KMO: variants seen among roughly 807,000 people sequenced by gnomAD.
The protein encoded by KMO is kynurenine 3-hydroxylase.
KMO carries 24 observed loss-of-function variants against 57.8 expected under a neutral mutation model. The observed-to-expected ratio is 0.42, with a 90% CI of 0.30 to 0.58. KMO has a LOEUF of 0.58. Among genes scored for constraint, KMO ranks in the 20% least tolerant of loss-of-function variants. The pLI, the probability that KMO is intolerant of heterozygous loss-of-function variation, is 0.22. For synonymous variants in KMO, 210 were observed against 193.6 expected (o/e 1.08, Z -0.70); for missense variants, 483 against 588.2 (o/e 0.82, Z 1.85).
intron 1 of KMO, among the ~76,000 whole-genome samples, chr1:241,539,478 G>T (rs1455002697): frequency 6.6e-6 from 1 of 152,132 alleles, no homozygotes; most frequent in African/African-American, 2.4e-5. Context: ...TTCAGCCAAT[G>T]AGAAATTAAA....
intron 10 of KMO, among the ~76,000 whole-genome samples, chr1:241,584,340 C>A (rs1385019514): frequency 6.6e-6 from 1 of 152,182 alleles, no homozygotes; most frequent in Non-Finnish European, 1.5e-5. Context: ...GTTAAAAAGT[C>A]AGGAAACAAC....
chr1:241,581,091 T>C (rs1456472184), intron 10 of KMO, among the ~76,000 whole-genome samples: 1 of 152,166 alleles, frequency 6.6e-6, no homozygotes, highest in Non-Finnish European at 1.5e-5. Context: ...CTCATTTGTT[T>C]GTCTTTAGAG....
intron 6 of KMO, chr1:241,561,924 T>A: frequency 2.3e-6 from 1 of 428,032 alleles, no homozygotes; most frequent in Admixed American, 3.9e-5. Flanking sequence ...CTGTCACACT[T>A]CTGTGGCCTA....
chr1:241,566,459 C>T lies in KMO; in HGVS notation c.688-32C>T, dbSNP rs748122229. The T allele has an allele frequency of 2.6e-5, 42 of 1,594,502 alleles. 1 individual carries two copies. In the South Asian group the frequency reaches 4.7e-4, roughly 18 times the overall value. ...AGTGCCAGCGTCACTTGGCCCCCATCCCCTTTCACTCTGTTTCTCTTCTTC... is the reference window on the plus strand; with the variant it reads ...AGTGCCAGCGTCACTTGGCCCCCATTCCCTTTCACTCTGTTTCTCTTCTTC... On this transcript the variant is annotated intron_variant, in intron 8 of 14. Coordinates refer to ENST00000366559, the MANE Select transcript of KMO (RefSeq NM_003679.5).
At chr1:241,578,514 A>G (rs1302431478) in intron 10 of KMO, among the ~76,000 whole-genome samples, 2 of 152,144 alleles carry the variant, frequency 1.3e-5, no homozygotes, top group East Asian at 3.8e-4. Context: ...ACTTGAGGCC[A>G]CTGTGGGGAA....
intron 10 of KMO, among the ~76,000 whole-genome samples, chr1:241,575,387 T>C (rs1263072726): frequency 1.3e-5 from 2 of 152,140 alleles, no homozygotes; most frequent in African/African-American, 2.4e-5. Flanking sequence ...TTTGAACTTT[T>C]TGATGTAGGC....
Position 241,590,189 on chromosome 1 carries a change from T to A in KMO, c.1201-15T>A. 6.2e-7 allele frequency: 1 copy of A among 1,612,544 alleles called. No homozygotes were observed. The highest frequency in any genetic ancestry group is 8.5e-7 in the Non-Finnish European group (1 of 1,179,120). ...TTAAAGAATACACAAGAATACTTTT[T>A]AAACTTCCCTGCAGGTCACTTTTTC... On this transcript the variant is annotated splice_polypyrimidine_tract_variant and intron_variant, in intron 13 of 14. Transcript: ENST00000366559.
In KMO at chr1:241,595,186, G is replaced by A. The variant is rs1316819158; in HGVS notation, c.*3033G>A. 1.3e-5 allele frequency: 2 copies of A among 152,938 alleles called. No individual in the cohort carries two copies. The highest frequency in any genetic ancestry group is 2.9e-5 in the Non-Finnish European group (2 of 68,732). The allele number at this position is 152,938 out of a possible 1,614,324, so 9.5% of individuals were successfully genotyped here. ...TTTCTATCGAAATTACTAATCAGTT[G>A]GGGAAAAAAATACTATAGCAGACAG... On this transcript the variant is annotated 3_prime_UTR_variant, in exon 15 of 15. Transcript: ENST00000366559.
Position 241,595,167 on chromosome 1 carries a change from T to C in KMO, c.*3014T>C, listed in dbSNP as rs1320371935. 1 of 153,288 alleles carries C rather than the reference T, an allele frequency of 6.5e-6. No homozygotes were observed. Among genetic ancestry groups the C allele is most frequent in the Non-Finnish European group, 1.5e-5 (1 of 68,892 alleles). The allele number at this position is 153,288 out of a possible 1,614,324, so 9.5% of individuals were successfully genotyped here. On this transcript the variant is annotated 3_prime_UTR_variant, in exon 15 of 15. Coordinates refer to ENST00000366559, the MANE Select transcript of KMO (RefSeq NM_003679.5). ...TTAGGTGAAGAATTTTTTTTTTCTA[T>C]CGAAATTACTAATCAGTTGGGGAAA... is the stretch of plus-strand genomic sequence containing the variant.
At chr1:241,566,706 GATGGATC>G in intron 9 of KMO, 94 bp downstream of exon 9, 1 of 1,312,570 alleles carries the variant, frequency 7.6e-7, no homozygotes, top group East Asian at 2.3e-5. Context: ...GGTTAAACAC[GATGGATC>G]ATGCAGTAAC....
intron 9 of KMO, 143 bp downstream of exon 9, chr1:241,566,755 T>G: frequency 2.4e-6 from 2 of 827,380 alleles, no homozygotes; most frequent in Non-Finnish European, 3.9e-6. Context: ...AGCAAAAGTC[T>G]AAGTGGATAT....
In KMO at chr1:241,566,569, T is replaced by G; in HGVS notation, c.766T>G (p.Phe256Val). Residue 256 changes from phenylalanine (F) to valine (V), a missense_variant, in exon 9 of 15, where the codon TTC becomes GTC. Phe to Val is a conservative substitution (Grantham distance 50). Coordinates refer to ENST00000366559, the MANE Select transcript of KMO (RefSeq NM_003679.5). ...KLLTSNDVVD[F>V]FQKYFPDAIP... ...TCTAACCAGTAATGATGTGGTAGAT[T>G]TCTTCCAGAAATACTTTCCGGATGC... 1 of 1,613,784 alleles carries G rather than the reference T, an allele frequency of 6.2e-7. No individual in the cohort carries two copies. Among genetic ancestry groups the G allele is most frequent in the Non-Finnish European group, 8.5e-7 (1 of 1,179,690 alleles).
intron 8 of KMO, among the ~76,000 whole-genome samples, chr1:241,565,452 G>A (rs1016189744): frequency 5.3e-5 from 8 of 151,840 alleles, no homozygotes; most frequent in South Asian, 2.1e-4. Context: ...TGGGCGCAGC[G>A]GCTCACACCT....
At chr1:241,579,935 G>A (rs903688930) in intron 10 of KMO, among the ~76,000 whole-genome samples, 16 of 152,144 alleles carry the variant, frequency 1.1e-4, no homozygotes, top group South Asian at 4.1e-4. Flanking sequence ...GTTTGTACTG[G>A]AGACCGGGAA....
intron 10 of KMO, among the ~76,000 whole-genome samples, chr1:241,574,085 A>G (rs372183616): frequency 2.6e-5 from 4 of 152,248 alleles, no homozygotes; most frequent in Admixed American, 6.5e-5. Flanking sequence ...TTGTCAGTGT[A>G]TAGCAACGCT....
At chr1:241,548,732 T>C in intron 1 of KMO, 97 bp from the exon 2 acceptor site, 1 of 677,868 alleles carries the variant, frequency 1.5e-6, no homozygotes, top group Non-Finnish European at 2.6e-6. Context: ...AATGTGAGGC[T>C]AGTAAAACAT....
intron 5 of KMO, among the ~76,000 whole-genome samples, chr1:241,557,625 G>A (rs1661687000): frequency 6.6e-6 from 1 of 152,090 alleles, no homozygotes; most frequent in African/African-American, 2.4e-5. Context: ...TAGATGGGTG[G>A]AGTGGAGCCA....
intron 7 of KMO, among the ~76,000 whole-genome samples, chr1:241,564,690 A>G (rs67584220): frequency 0.28 from 42,590 of 150,146 alleles, 6,410 homozygotes; most frequent in East Asian, 0.4. Flanking sequence ...GCTATGATTC[A>G]AGATTTGAGA....
intron 5 of KMO, among the ~76,000 whole-genome samples, chr1:241,559,837 A>G (rs995918645): frequency 3.3e-5 from 5 of 152,154 alleles, no homozygotes; most frequent in Non-Finnish European, 7.4e-5. Context: ...GTGTGATCTC[A>G]GGCATTTTAC....
Sources: allele counts gnomAD v4.1 joint callset (sites outside exome capture counted in the v4.1 genomes callset), GRCh38; gene constraint gnomAD v4.1.1; transcripts MANE v1.5; gene names NCBI Gene and HGNC (gene_info 2026-07-23, HGNC 2026-07-21).